TNFSF11: variants seen among roughly 807,000 people sequenced by gnomAD.
The protein encoded by TNFSF11 is tumor necrosis factor ligand superfamily member 11.
In TNFSF11, 12 loss-of-function variants were observed where a neutral mutation model predicts 32.2. The ratio of observed to expected loss-of-function variants is 0.37; its 90% confidence interval spans 0.24 to 0.60. The LOEUF (loss-of-function observed/expected upper bound fraction) is 0.60, where lower values mean the gene tolerates loss of function less well. Ranked by LOEUF, TNFSF11 falls within the 20% of genes least tolerant of loss-of-function variation. The pLI is 0.66. For missense variants in TNFSF11, 345 were observed against 398.0 expected (o/e 0.87, Z 1.13); for synonymous variants, 172 against 152.1 (o/e 1.13, Z -0.96).
At chr13:42,563,388 CG>C (rs1259899921) in intron 1 of TNFSF11, among the ~76,000 whole-genome samples, 1 of 152,106 alleles carries the variant, frequency 6.6e-6, no homozygotes, top group Non-Finnish European at 1.5e-5. Context: ...TTAGGCTGGA[CG>C]GGGTGGCTCA....
intron 1 of TNFSF11, among the ~76,000 whole-genome samples, chr13:42,579,704 C>CTTTTTTTTTTTTTTTTTTTTTTT (rs59375842): frequency 6.1e-5 from 4 of 65,492 alleles, no homozygotes; most frequent in East Asian, 5.2e-4. Flanking sequence ...TAAGTAAGCC[C>CTTTTTTTTTTTTTTTTTTTTTTT]TTTTTTTTTT....
intron 2 of TNFSF11, among the ~76,000 whole-genome samples, chr13:42,582,373 A>G (rs1337517252): frequency 2.6e-5 from 4 of 152,238 alleles, no homozygotes; most frequent in Non-Finnish European, 4.4e-5. Flanking sequence ...TAATGAAGGT[A>G]AACGTCTGTA....
chr13:42,592,240 G>T (rs1868525609), intron 2 of TNFSF11, among the ~76,000 whole-genome samples: 1 of 152,170 alleles, frequency 6.6e-6, no homozygotes, highest in South Asian at 2.1e-4. Flanking sequence ...CCACAAGACT[G>T]TCCCACTTCA....
At chr13:42,597,778 A>G (rs1868903050) in intron 2 of TNFSF11, among the ~76,000 whole-genome samples, 1 of 152,216 alleles carries the variant, frequency 6.6e-6, no homozygotes. Context: ...GTGGTGGTGC[A>G]ATGCATACAT....
chr13:42,564,303 C>T, intron 1 of TNFSF11, among the ~76,000 whole-genome samples: 1 of 152,118 alleles, frequency 6.6e-6, no homozygotes, highest in Non-Finnish European at 1.5e-5. Context: ...CACGGTGGCT[C>T]ACACCTGTAA....
At chr13:42,565,003 G>C (rs1594453334) in intron 1 of TNFSF11, among the ~76,000 whole-genome samples, 1 of 152,278 alleles carries the variant, frequency 6.6e-6, no homozygotes, top group East Asian at 1.9e-4. Context: ...AAATAGTTGG[G>C]CATTTGTAGA....
At chr13:42,570,737 A>G (rs1009723743), upstream of TNFSF11, among the ~76,000 whole-genome samples, 1 of 152,190 alleles carries the variant, frequency 6.6e-6, no homozygotes, top group East Asian at 1.9e-4. Flanking sequence ...TCAGCTTAGG[A>G]TAGCTCCTGG....
intron 2 of TNFSF11, among the ~76,000 whole-genome samples, chr13:42,591,578 C>T (rs1193955549): frequency 6.6e-6 from 1 of 152,174 alleles, no homozygotes; most frequent in African/African-American, 2.4e-5. Flanking sequence ...TCTTAAAGTT[C>T]TTTGCTTTGG....
chr13:42,566,450 A>C (rs1872872237), intron 1 of TNFSF11, among the ~76,000 whole-genome samples: 1 of 152,220 alleles, frequency 6.6e-6, no homozygotes, highest in South Asian at 2.1e-4. Flanking sequence ...GAATCAAATA[A>C]ACTCAGCAGC....
At chr13:42,575,709 T>C (rs1476743668) in intron 1 of TNFSF11, among the ~76,000 whole-genome samples, 1 of 152,240 alleles carries the variant, frequency 6.6e-6, no homozygotes, top group South Asian at 2.1e-4. Flanking sequence ...CTACTTAAAG[T>C]AGAAATGCAA....
At chr13:42,590,819 A>C (rs905672622) in intron 2 of TNFSF11, among the ~76,000 whole-genome samples, 1 of 152,218 alleles carries the variant, frequency 6.6e-6, no homozygotes, top group African/African-American at 2.4e-5. Flanking sequence ...TTCTCATTTA[A>C]ACCATGAAGG....
At chr13:42,600,601 AATAC>A in intron 2 of TNFSF11, 147 bp from the exon 3 acceptor site, 1 of 824,820 alleles carries the variant, frequency 1.2e-6, no homozygotes, top group Non-Finnish European at 1.9e-6. Context: ...ATAGCCACCT[AATAC>A]ATATAGGAAT....
chr13:42,576,071 A>C (rs368067225), intron 1 of TNFSF11, among the ~76,000 whole-genome samples: 2 of 152,240 alleles, frequency 1.3e-5, no homozygotes, highest in South Asian at 4.1e-4. Flanking sequence ...AAAACCATTA[A>C]AATTCTTAGT....
intron 4 of TNFSF11, among the ~76,000 whole-genome samples, chr13:42,601,330 G>T (rs1869162677): frequency 6.6e-6 from 1 of 152,216 alleles, no homozygotes; most frequent in South Asian, 2.1e-4. Flanking sequence ...GACCTCAGAG[G>T]TGAATGAATT....
At chr13:42,576,281 G>C (rs181324970) in intron 1 of TNFSF11, among the ~76,000 whole-genome samples, 1 of 152,220 alleles carries the variant, frequency 6.6e-6, no homozygotes, top group African/African-American at 2.4e-5. Context: ...GGAAATCGGT[G>C]GCATGGCTGT....
intron 1 of TNFSF11, among the ~76,000 whole-genome samples, chr13:42,579,388 G>T (rs1431290857): frequency 6.6e-6 from 1 of 150,446 alleles, no homozygotes; most frequent in African/African-American, 2.5e-5. Flanking sequence ...CAGCCTGGGT[G>T]GGGGTGACAA....
intron 2 of TNFSF11, 30 bp downstream of exon 2, chr13:42,581,323 G>A: frequency 6.2e-7 from 1 of 1,613,214 alleles, no homozygotes; most frequent in African/African-American, 1.3e-5. Flanking sequence ...GATAAGTCAA[G>A]GGCCCTTGCT....
intron 1 of TNFSF11, among the ~76,000 whole-genome samples, chr13:42,575,832 T>C (rs936524087): frequency 1.3e-5 from 2 of 152,240 alleles, no homozygotes; most frequent in African/African-American, 4.8e-5. Context: ...AACAAATCTA[T>C]ATGAAAGTGA....
chr13:42,592,539 G>A (rs1366459117), intron 2 of TNFSF11, among the ~76,000 whole-genome samples: 1 of 152,238 alleles, frequency 6.6e-6, no homozygotes, highest in African/African-American at 2.4e-5. Flanking sequence ...CTGCTAGGAA[G>A]GCAGTGGTTA....
Sources: gnomAD v4.1 joint callset for allele counts (sites outside exome capture counted in the v4.1 genomes callset) on GRCh38, gnomAD v4.1.1 for gene constraint, MANE v1.5 for transcripts, NCBI Gene and HGNC (gene_info 2026-07-23, HGNC 2026-07-21) for gene names.